ABCA8: variants seen among roughly 807,000 people sequenced by gnomAD.
ABCA8 encodes ABC-type organic anion transporter ABCA8.
In ABCA8, 177 loss-of-function variants were observed where a neutral mutation model predicts 192.3. The observed-to-expected ratio is 0.92, with a 90% CI of 0.81 to 1.04. The LOEUF (loss-of-function observed/expected upper bound fraction) is 1.04, where lower values mean the gene tolerates loss of function less well. ABCA8 is among the 50% of genes least tolerant of loss of function. ABCA8 has a pLI of 0.00. For synonymous variants in ABCA8, 642 were observed against 690.2 expected, an observed-to-expected ratio of 0.93 and a Z score of 1.09; for missense variants, 1,915 against 1,904.8, an observed-to-expected ratio of 1.01 and a Z score of -0.10.
chr17:68,927,462 G>A (rs557761708), intron 10 of ABCA8, among the ~76,000 whole-genome samples: 1 of 151,732 alleles, frequency 6.6e-6, no homozygotes, highest in African/African-American at 2.4e-5. Flanking sequence ...TTTTTTAAAC[G>A]TAGATGCATT....
chr17:68,907,327 ATAGT>A (rs1404251498), intron 18 of ABCA8, among the ~76,000 whole-genome samples: 1 of 152,150 alleles, frequency 6.6e-6, no homozygotes, highest in African/African-American at 2.4e-5. Context: ...AACAACAAAC[ATAGT>A]TAGTAAACTT....
chr17:68,903,133 T>G (rs1265771647), intron 20 of ABCA8, among the ~76,000 whole-genome samples, 168 bp downstream of exon 20: 1 of 152,220 alleles, frequency 6.6e-6, no homozygotes, highest in South Asian at 2.1e-4. Context: ...ATTTGTCCTT[T>G]GGATGTCAAG....
intron 10 of ABCA8, among the ~76,000 whole-genome samples, chr17:68,927,020 C>T (rs942230142): frequency 1.3e-5 from 2 of 152,152 alleles, no homozygotes; most frequent in African/African-American, 2.4e-5. Flanking sequence ...CTTTGGGAGG[C>T]CGAGGCGGGT....
rs148270008 is a variant in ABCA8 at position 68,907,572 on chromosome 17, A to G, written c.2278+168T>C. 4.8e-3 allele frequency among the ~76,000 whole-genome samples: 730 copies of G among 152,278 alleles called. 8 individuals carry two copies. Among genetic ancestry groups the G allele is most frequent in the African/African-American group, 0.017 (688 of 41,566 alleles). ...AATACAACTATTAGAATGTAATTCT[A>G]TTTCCCACTATACAGAAAATAATTC... On this transcript the variant is annotated intron_variant, in intron 18 of 39. Transcript: ENST00000586539.
rs1225787071 is a variant in ABCA8 at position 68,918,046 on chromosome 17, C to T, written c.2047+1G>A. 1 of 1,613,906 alleles carries T rather than the reference C, an allele frequency of 6.2e-7. No homozygotes were observed. The highest frequency in any genetic ancestry group is 1.7e-5 in the Admixed American group (1 of 59,960). On this transcript the variant is annotated splice_donor_variant, in intron 16 of 39. Coordinates refer to ENST00000586539, the MANE Select transcript of ABCA8 (RefSeq NM_001288985.2). LOFTEE classifies it high-confidence loss of function. ...GATACTTAACAGAAACCAGTGATTA[C>T]CCGCCAGGATGTCGGCCTCATCCAT...
chr17:68,888,762 G>C (rs761550802), intron 24 of ABCA8, among the ~76,000 whole-genome samples: 2 of 152,152 alleles, frequency 1.3e-5, no homozygotes, highest in Non-Finnish European at 2.9e-5. Context: ...GGTCAAATTA[G>C]ATACAATTAG....
At chr17:68,952,806 T>C (rs1299251749) in intron 1 of ABCA8, among the ~76,000 whole-genome samples, 2 of 152,170 alleles carry the variant, frequency 1.3e-5, no homozygotes, top group African/African-American at 4.8e-5. Context: ...AGTACAGCAG[T>C]AGACTACCCT....
chr17:68,932,281 G>A lies in ABCA8; in HGVS notation c.797+7C>T. ...CCGTTTATTTATTTGTGCTGCGTTT[G>A]ACTCACCAGAACGCTGAATCCCGAA... On this transcript the variant is annotated splice_region_variant and intron_variant, in intron 7 of 39. Coordinates refer to ENST00000586539, the MANE Select transcript of ABCA8 (RefSeq NM_001288985.2). The A allele has an allele frequency of 1.3e-6, 2 of 1,597,910 alleles. No individual in the cohort carries two copies. The highest frequency in any genetic ancestry group is 1.7e-6 in the Non-Finnish European group (2 of 1,167,384).
Position 68,905,749 on chromosome 17 carries a change from A to T in ABCA8, c.2398+295T>A, listed in dbSNP as rs554018425. ...TTTAAAGTATTGTTTGGGGTTCTTA[A>T]GTGTTTTAGATCTGTGGGTTCATGT... On this transcript the variant is annotated intron_variant, in intron 19 of 39. Coordinates refer to ENST00000586539, the MANE Select transcript of ABCA8 (RefSeq NM_001288985.2). Among the ~76,000 whole-genome samples the T allele has an allele frequency of 2.0e-5, 3 of 152,302 alleles. No individual in the cohort carries two copies. In the South Asian group the frequency reaches 6.2e-4, roughly 32 times the overall value.
intron 21 of ABCA8, among the ~76,000 whole-genome samples, chr17:68,895,279 T>A (rs2066720240): frequency 6.6e-6 from 1 of 152,210 alleles, no homozygotes; most frequent in Non-Finnish European, 1.5e-5. Context: ...TGAATGTCCA[T>A]AACCAATAAA....
chr17:68,882,727 C>A lies in ABCA8; in HGVS notation c.3708-8G>T. 1 of 1,606,156 alleles carries A rather than the reference C, an allele frequency of 6.2e-7. No homozygotes were observed. The highest frequency in any genetic ancestry group is 1.1e-5 in the South Asian group (1 of 89,766). On this transcript the variant is annotated splice_polypyrimidine_tract_variant and splice_region_variant and intron_variant, in intron 29 of 39. Transcript: ENST00000586539. Reference sequence around the variant, plus strand: ...CTACTTCTTGGAGAAATTCTAGAGTCAAAACCATCCATTAATATTGATTTC... The same window carrying A: ...CTACTTCTTGGAGAAATTCTAGAGTAAAAACCATCCATTAATATTGATTTC...
chr17:68,867,642 A>G lies in ABCA8; in HGVS notation c.*443T>C, dbSNP rs2065951206. ...GAAGCACACTTAAATCTATTTCAAA[A>G]ATATGACATGTTAAATTCTTAGGAA... On this transcript the variant is annotated 3_prime_UTR_variant, in exon 40 of 40. Coordinates refer to ENST00000586539, the MANE Select transcript of ABCA8 (RefSeq NM_001288985.2). 1 of 152,484 alleles carries G rather than the reference A, an allele frequency of 6.6e-6. No homozygotes were observed. Among genetic ancestry groups the G allele is most frequent in the Non-Finnish European group, 1.5e-5 (1 of 68,264 alleles). The allele number at this position is 152,484 out of a possible 1,614,324, so 9.4% of individuals were successfully genotyped here.
intron 24 of ABCA8, among the ~76,000 whole-genome samples, chr17:68,887,920 A>AT (rs1223146348): frequency 0.057 from 1,720 of 30,432 alleles, 94 homozygotes; most frequent in East Asian, 0.27. Flanking sequence ...ATATATATAT[A>AT]TATATTATAT....
At chr17:68,951,432 T>A (rs1017108143) in intron 1 of ABCA8, among the ~76,000 whole-genome samples, 3 of 152,238 alleles carry the variant, frequency 2.0e-5, no homozygotes, top group African/African-American at 7.2e-5. Context: ...GCACCTAACA[T>A]ACCTGTAACT....
chr17:68,884,079 T>C (rs192980154), intron 28 of ABCA8, among the ~76,000 whole-genome samples, 197 bp from the exon 29 acceptor site: 12 of 152,310 alleles, frequency 7.9e-5, no homozygotes, highest in Admixed American at 3.9e-4. Context: ...GAAACAACTA[T>C]AGTTATGTGA....
intron 21 of ABCA8, among the ~76,000 whole-genome samples, chr17:68,896,433 C>T (rs1277570522): frequency 6.6e-6 from 1 of 152,166 alleles, no homozygotes; most frequent in Non-Finnish European, 1.5e-5. Flanking sequence ...CACTGCATCT[C>T]TAAAATACAA....
chr17:68,917,107 A>C (rs1445102915), intron 17 of ABCA8, among the ~76,000 whole-genome samples: 2 of 152,154 alleles, frequency 1.3e-5, no homozygotes, highest in Non-Finnish European at 2.9e-5. Flanking sequence ...GACTCTACCA[A>C]AAACACAAAA....
intron 19 of ABCA8, among the ~76,000 whole-genome samples, chr17:68,905,699 GCCTA>G (rs1314725072): frequency 6.6e-6 from 1 of 152,114 alleles, no homozygotes; most frequent in Non-Finnish European, 1.5e-5. Context: ...TTTATTGCTG[GCCTA>G]CAGGAATTTA....
rs746856600 is a variant in ABCA8 at position 68,875,281 on chromosome 17, G to T, written c.4610C>A (p.Pro1537His). The change falls in exon 37 of 40, where the codon CCC becomes CAC. Residue 1537 changes from proline (P) to histidine (H), a missense_variant. Transcript: ENST00000586539. ...PLHAEILRLFPQAARQERYSS... is the reference protein window; with the variant it reads ...PLHAEILRLFHQAARQERYSS... ...TTACCTTTCCTGCCGAGCAGCCTGG[G>T]GGAAAAGCCTCAGGATCTCTGCATG... 1 of 1,613,756 alleles carries T rather than the reference G, an allele frequency of 6.2e-7. No homozygotes were observed. The highest frequency in any genetic ancestry group is 1.7e-5 in the Admixed American group (1 of 59,986).
Sources: gnomAD v4.1 joint callset for allele counts (sites outside exome capture counted in the v4.1 genomes callset) on GRCh38, gnomAD v4.1.1 for gene constraint, MANE v1.5 for transcripts, NCBI Gene and HGNC (gene_info 2026-07-23, HGNC 2026-07-21) for gene names.